The following SCN1B variants were observed in gnomAD, a reference collection of about 807,000 sequenced individuals.
SCN1B encodes the protein sodium voltage-gated channel beta subunit 1.
A neutral mutation model predicts 25.7 loss-of-function variants in SCN1B; 11 were observed. The ratio of observed to expected loss-of-function variants is 0.43; its 90% CI spans 0.27 to 0.71. The LOEUF is 0.71. Ranked by LOEUF, SCN1B falls within the 30% of genes least tolerant of loss-of-function variation. The pLI is 0.21. For synonymous variants in SCN1B, 119 were observed against 117.5 expected (o/e 1.01, Z -0.08); for missense variants, 224 against 291.5 (o/e 0.77, Z 1.69).
intron 3 of SCN1B, chr19:35,038,826 C>A: frequency 2.1e-6 from 1 of 474,082 alleles, no homozygotes. Flanking sequence ...CACAGCTGGC[C>A]AGTGGCAGAG....
At chr19:35,035,930 G>A (rs1228724857) in intron 3 of SCN1B, 2 of 151,478 alleles carry the variant, frequency 1.3e-5, no homozygotes, top group Non-Finnish European at 2.9e-5. Context: ...ATACTGTGGC[G>A]TGATCATAGC....
rs16969925 is a variant in SCN1B, at chr19:35,033,545, G to A, written c.254G>A (p.Arg85His). 8 of 1,613,908 alleles carry A rather than the reference G, an allele frequency of 5.0e-6. No individual in the cohort carries two copies. Among genetic ancestry groups the A allele is most frequent in the African/African-American group, 4.0e-5 (3 of 74,870 alleles). The change falls in exon 3 of 6, where the codon CGC (arginine) becomes CAC (histidine). Residue 85 changes from arginine to histidine, a missense_variant. Physicochemically the swap from Arg to His is conservative, Grantham distance 29 (BLOSUM62 0). Transcript: ENST00000262631. ...NEVLQLEEDE[R>H]FEGRVVWNGS... ...GTGTTGCAGCTGGAGGAGGATGAGC[G>A]CTTCGAGGGCCGCGTGGTGTGGAAT...
chr19:35,032,714 G>A lies in SCN1B; in HGVS notation c.207+20G>A, dbSNP rs912692971. 2.9e-5 allele frequency: 47 copies of A among 1,612,418 alleles called. No individual in the cohort carries two copies. Among genetic ancestry groups the A allele is most frequent in the Non-Finnish European group, 3.7e-5 (44 of 1,179,810 alleles). ...GTCAAGGTGTGCGGGTGCCGGGAAC[G>A]GGCATGGGAGGGCAGGGGTCCACGA... On this transcript the variant is annotated intron_variant, in intron 2 of 5. Transcript: ENST00000262631. The surrounding 1 kb of genome is among the most constrained non-coding windows in gnomAD (Gnocchi z 4.3).
At position 35,039,986 on chromosome 19, in the gene SCN1B, C is replaced by CGCCG. The variant is rs2064276764; in HGVS notation, c.*200_*203dup. 1 of 528,780 alleles carries CGCCG rather than the reference C, an allele frequency of 1.9e-6. No homozygotes were observed. The highest frequency in any genetic ancestry group is 2.0e-5 in the South Asian group (1 of 49,030). The allele number at this position is 528,780 out of a possible 1,614,324, so 32.8% of individuals were successfully genotyped here. A position where few individuals can be genotyped will look rare whatever the true frequency, so the allele number is the denominator to read the frequency against. On this transcript the variant is annotated 3_prime_UTR_variant, in exon 6 of 6. Transcript: ENST00000262631. Reference sequence around the variant, plus strand: ...CTTTCGCCTCCTCCAGCTCCTGCCCCGCCGGCCGCGCACCGCCATGCATGA... The same window carrying CGCCG: ...CTTTCGCCTCCTCCAGCTCCTGCCCCGCCGGCCGGCCGCGCACCGCCATGCATGA...
At position 35,039,829 on chromosome 19, in the gene SCN1B, G is replaced by A. The variant is rs945765750; in HGVS notation, c.*38G>A. 10 of 1,008,676 alleles carry A rather than the reference G, an allele frequency of 9.9e-6. No individual in the cohort carries two copies. The highest frequency in any genetic ancestry group is 4.3e-5 in the South Asian group (3 of 70,310). 62.5% of individuals were successfully genotyped at this position (1,008,676 alleles called of 1,614,324 possible). On this transcript the variant is annotated 3_prime_UTR_variant, in exon 6 of 6. Coordinates refer to ENST00000262631, the MANE Select transcript of SCN1B (RefSeq NM_001037.5). ...GCCCCGCCTCAAGGAAGAGCCAGCCGTAATGGGGACTCTCCAGGCACCGCC... is the reference window on the plus strand; with the variant it reads ...GCCCCGCCTCAAGGAAGAGCCAGCCATAATGGGGACTCTCCAGGCACCGCC...
rs1181407779 is a variant in SCN1B, at chr19:35,033,765, T to C, written c.448+26T>C. 3 of 1,613,752 alleles carry C rather than the reference T, an allele frequency of 1.9e-6. No homozygotes were observed. The African/African-American group carries it at 4.0e-5, about 22-fold the overall frequency. The stretch of plus-strand genomic sequence containing the variant: ...GTGAGTCGGGTGCTGCCTGCCCCTT[T>C]ACCGTCACCCACCGGAGAGCCAGAT... On this transcript the variant is annotated intron_variant, in intron 3 of 5. Transcript: ENST00000262631.
chr19:35,039,592 G>T, intron 4 of SCN1B, 43 bp from the exon 5 acceptor site: 1 of 1,605,758 alleles, frequency 6.2e-7, no homozygotes. Context: ...GGTTGGGTCG[G>T]TCTGATGATG....
At position 35,037,210 on chromosome 19, in the gene SCN1B, G is replaced by A. The variant is rs537603504; in HGVS notation, c.449-1907G>A. ...GTGAGAACTTCACTGACCTGGAAGA[G>A]GTGGAGAAGATGCTGGGAAGCTGCT... On this transcript the variant is annotated intron_variant, in intron 3 of 5. Transcript: ENST00000262631. 4 of 152,434 alleles carry A rather than the reference G, an allele frequency of 2.6e-5. No homozygotes were observed. The East Asian group carries it at 7.7e-4, about 29-fold the overall frequency. 9.4% of individuals were successfully genotyped at this position (152,434 alleles called of 1,614,324 possible).
chr19:35,039,651 A>G lies in SCN1B; in HGVS notation c.607A>G (p.Ile203Val), dbSNP rs757741853. The stretch of plus-strand genomic sequence containing the variant: ...CCCCCACAGCTCGGAATACCTGGCC[A>G]TCACCTCTGAAAGCAAAGAGAACTG... Reference protein sequence around the residue: ...AQENASEYLAITSESKENCTG... With the variant: ...AQENASEYLAVTSESKENCTG... Residue 203 changes from isoleucine to valine, a missense_variant, in exon 5 of 6, where the codon ATC becomes GTC. Coordinates refer to ENST00000262631, the MANE Select transcript of SCN1B (RefSeq NM_001037.5). 6.2e-7 allele frequency: 1 copy of G among 1,614,184 alleles called. No homozygotes were observed. Among genetic ancestry groups the G allele is most frequent in the Non-Finnish European group, 8.5e-7 (1 of 1,180,010 alleles).
chr19:35,039,256 T>C lies in SCN1B; in HGVS notation c.588T>C (p.Asn196=), dbSNP rs77244433. Residue 196 remains asparagine, a splice_region_variant and synonymous_variant, in exon 4 of 6, where the codon AAT becomes AAC. Transcript: ENST00000262631. ...CCACGGAGACTGCTGCACAGGAGAA[T>C]GCGTGAGTAGGGTGGCTGGGAGGTG... ...AAATETAAQE[N]ASEYLAITSE... The C allele has an allele frequency of 2.2e-4, 347 of 1,612,910 alleles. 2 individuals are homozygous for C. The African/African-American group carries it at 4.2e-3, about 20-fold the overall frequency.
chr19:35,039,760 C>T (rs1164155408), intron 5 of SCN1B, 37 bp from the exon 6 acceptor site: 38 of 1,564,054 alleles, frequency 2.4e-5, no homozygotes, highest in Non-Finnish European at 2.7e-5. Context: ...CCGAAGTCCC[C>T]CAGGTCCCTA....
At position 35,040,178 on chromosome 19, in the gene SCN1B, C is replaced by CT. The variant is rs1224105805; in HGVS notation, c.*388dup. 5.7e-6 allele frequency: 1 copy of CT among 175,364 alleles called. No homozygotes were observed. The highest frequency in any genetic ancestry group is 1.2e-5 in the Non-Finnish European group (1 of 80,562). 10.9% of individuals were successfully genotyped at this position (175,364 alleles called of 1,614,324 possible). On this transcript the variant is annotated 3_prime_UTR_variant, in exon 6 of 6. Coordinates refer to ENST00000262631, the MANE Select transcript of SCN1B (RefSeq NM_001037.5). ...GGGCCAGCCCCTCCCCGCCTCCTCC[C>CT]TGCCTGGCGGCAGGGGTCGCGATGA...
chr19:35,034,135 AGCT>A, intron 3 of SCN1B: 1 of 1,551,216 alleles, frequency 6.4e-7, no homozygotes, highest in Admixed American at 2.0e-5. Context: ...AGGATTGAGC[AGCT>A]GCAGGCACAC....
In SCN1B at chr19:35,030,803, A is replaced by G; in HGVS notation, c.-18A>G. On this transcript the variant is annotated 5_prime_UTR_variant, in exon 1 of 6. Coordinates refer to ENST00000262631, the MANE Select transcript of SCN1B (RefSeq NM_001037.5). The stretch of plus-strand genomic sequence containing the variant: ...TACCGGCGGCCCGGGAGGGGGGCGC[A>G]GCACGCGCCGCGCAGCCATGGGGAG... The G allele has an allele frequency of 9.5e-7, 1 of 1,050,632 alleles. No homozygotes were observed. The allele number at this position is 1,050,632 out of a possible 1,614,324, so 65.1% of individuals were successfully genotyped here.
chr19:35,030,870 C>A lies in SCN1B; in HGVS notation c.40+10C>A. 4 of 724,786 alleles carry A rather than the reference C, an allele frequency of 5.5e-6. No individual in the cohort carries two copies. The highest frequency in any genetic ancestry group is 5.3e-6 in the Non-Finnish European group (3 of 565,640). 44.9% of individuals were successfully genotyped at this position (724,786 alleles called of 1,614,324 possible). A position where few individuals can be genotyped will look rare whatever the true frequency, so the allele number is the denominator to read the frequency against. On this transcript the variant is annotated intron_variant, in intron 1 of 5. Transcript: ENST00000262631. The stretch of plus-strand genomic sequence containing the variant: ...GTCGGCGCGGCACTGGGTGAGTGCG[C>A]GGGGGGCGCGCGCGGCCGGGGGGCA...
chr19:35,039,404 T>A, intron 4 of SCN1B, 146 bp downstream of exon 4: 1 of 1,202,820 alleles, frequency 8.3e-7, no homozygotes, highest in Non-Finnish European at 1.2e-6. Flanking sequence ...GTGCTCCCTG[T>A]CAGACACAGG....
At position 35,030,784 on chromosome 19, in the gene SCN1B, C is replaced by A. The variant is rs2064208094; in HGVS notation, c.-37C>A. On this transcript the variant is annotated 5_prime_UTR_variant, in exon 1 of 6. Coordinates refer to ENST00000262631, the MANE Select transcript of SCN1B (RefSeq NM_001037.5). ...CCTCTCGCCCCGCTATTAATACCGG[C>A]GGCCCGGGAGGGGGGCGCAGCACGC... The A allele has an allele frequency of 3.3e-6, 3 of 906,900 alleles. No homozygotes were observed. The highest frequency in any genetic ancestry group is 3.0e-6 in the Non-Finnish European group (2 of 677,178). The allele number at this position is 906,900 out of a possible 1,614,324, so 56.2% of individuals were successfully genotyped here.
At chr19:35,038,709 G>A (rs546262916) in intron 3 of SCN1B, 1 of 315,736 alleles carries the variant, frequency 3.2e-6, no homozygotes, top group East Asian at 8.0e-5. Context: ...ACTATTCTAA[G>A]GATTTTAAAG....
At chr19:35,036,068 A>G (rs1284076863) in intron 3 of SCN1B, 2 of 148,722 alleles carry the variant, frequency 1.3e-5, no homozygotes, top group Non-Finnish European at 3.0e-5. Context: ...GGATCTTGCT[A>G]TGTTGCCCAG....
Sources: allele counts gnomAD v4.1 joint callset, GRCh38; gene constraint gnomAD v4.1.1; non-coding constraint Gnocchi (gnomAD v3.1); transcripts MANE v1.5; gene names NCBI Gene and HGNC (gene_info 2026-07-23, HGNC 2026-07-21).